The following LINGO1 variants were observed in gnomAD, a reference collection of about 807,000 sequenced individuals.
LINGO1 encodes leucine rich repeat and Ig domain containing 1, also known as leucine-rich repeat and immunoglobulin-like domain-containing nogo receptor-interacting protein 1.
A neutral mutation model predicts 37.3 loss-of-function variants in LINGO1; 11 were observed. The observed-to-expected ratio is 0.29, with a 90% CI of 0.19 to 0.49. The LOEUF is 0.49. Among genes scored for constraint, LINGO1 ranks in the 20% least tolerant of loss-of-function variants. The pLI, the probability that LINGO1 is intolerant of heterozygous loss-of-function variation, is 0.99. For synonymous variants in LINGO1, 387 were observed against 403.0 expected (o/e 0.96, Z 0.48); for missense variants, 585 against 878.2 (o/e 0.67, Z 4.22).
chr15:77,764,560 G>A (rs144109656), intron 1 of LINGO1, among the ~76,000 whole-genome samples: 15 of 152,286 alleles, frequency 9.8e-5, no homozygotes, highest in African/African-American at 3.4e-4. Context: ...GAAGAGGAGC[G>A]CTGAAGGGCC....
At chr15:77,630,838 GC>G (rs1304926420) in intron 1 of LINGO1, among the ~76,000 whole-genome samples, 2 of 152,170 alleles carry the variant, frequency 1.3e-5, no homozygotes, top group African/African-American at 4.8e-5. Context: ...GTGAGTCTGT[GC>G]CCTCTTTCAG....
chr15:77,643,369 G>C (rs2074552777), intron 3 of LINGO1, among the ~76,000 whole-genome samples: 4 of 152,180 alleles, frequency 2.6e-5, no homozygotes, highest in Admixed American at 2.6e-4. Context: ...AGGGTAGGGA[G>C]GTCCGCAGTG....
intron 2 of LINGO1, among the ~76,000 whole-genome samples, chr15:77,718,079 G>A (rs1261057358): frequency 2.0e-5 from 3 of 150,736 alleles, no homozygotes; most frequent in Admixed American, 2.0e-4. Flanking sequence ...CAGAGACAGC[G>A]CCATCCCCCA....
intron 1 of LINGO1, among the ~76,000 whole-genome samples, chr15:77,812,283 C>T (rs1204712382): frequency 3.3e-5 from 5 of 152,208 alleles, no homozygotes; most frequent in South Asian, 4.1e-4. Context: ...CATCCTCATG[C>T]GGCCACCATC....
At chr15:77,721,036 G>A (rs1245732216) in intron 2 of LINGO1, among the ~76,000 whole-genome samples, 4 of 151,986 alleles carry the variant, frequency 2.6e-5, no homozygotes, top group Non-Finnish European at 5.9e-5. Flanking sequence ...ACCATGGTCT[G>A]AGCCACCGCC....
intron 2 of LINGO1, among the ~76,000 whole-genome samples, chr15:77,730,217 G>A (rs901240751): frequency 6.6e-6 from 1 of 152,086 alleles, no homozygotes; most frequent in Admixed American, 6.5e-5. Flanking sequence ...ACTTTGACTA[G>A]AATTTACTGA....
chr15:77,817,500 T>C (rs2077058139), intron 1 of LINGO1, among the ~76,000 whole-genome samples: 1 of 152,120 alleles, frequency 6.6e-6, no homozygotes, highest in Non-Finnish European at 1.5e-5. Flanking sequence ...CCCAGAGCTG[T>C]GCAGAGGATG....
chr15:77,798,225 G>A (rs749017986), intron 1 of LINGO1, among the ~76,000 whole-genome samples: 2 of 152,190 alleles, frequency 1.3e-5, no homozygotes, highest in Admixed American at 6.5e-5. Flanking sequence ...CCTCAGGCCC[G>A]GGTACCCCAA....
At chr15:77,811,238 T>G (rs775808261) in intron 1 of LINGO1, among the ~76,000 whole-genome samples, 2 of 152,172 alleles carry the variant, frequency 1.3e-5, no homozygotes, top group African/African-American at 4.8e-5. Flanking sequence ...CCTGATAACA[T>G]TCTCCTAAAT....
intron 1 of LINGO1, among the ~76,000 whole-genome samples, chr15:77,694,549 T>A (rs2075657748): frequency 1.3e-5 from 2 of 151,996 alleles, no homozygotes; most frequent in Admixed American, 1.3e-4. Flanking sequence ...AAGACTCCCA[T>A]CCCTGGAGGT....
intron 1 of LINGO1, among the ~76,000 whole-genome samples, chr15:77,616,408 G>A (rs1160015351): frequency 6.6e-6 from 1 of 152,196 alleles, no homozygotes; most frequent in Non-Finnish European, 1.5e-5. Context: ...CACGGCCAGG[G>A]CTTCTGAGGC....
intron 1 of LINGO1, among the ~76,000 whole-genome samples, chr15:77,753,042 G>A (rs2076386776): frequency 6.6e-6 from 1 of 152,210 alleles, no homozygotes; most frequent in Non-Finnish European, 1.5e-5. Flanking sequence ...ACAAAATCAA[G>A]CACATACATA....
At chr15:77,646,166 G>C (rs950929810) in intron 3 of LINGO1, among the ~76,000 whole-genome samples, 2 of 152,236 alleles carry the variant, frequency 1.3e-5, no homozygotes, top group African/African-American at 4.8e-5. Context: ...CCACCTTCTA[G>C]GCCTAGTAAA....
chr15:77,633,550 C>T (rs375055603), upstream of LINGO1, among the ~76,000 whole-genome samples: 41 of 152,312 alleles, frequency 2.7e-4, no homozygotes, highest in South Asian at 3.3e-3. Flanking sequence ...GAGGAAGCCG[C>T]GCTGGCCCGG....
At chr15:77,665,929 C>A (rs573377903) in intron 3 of LINGO1, among the ~76,000 whole-genome samples, 1 of 152,238 alleles carries the variant, frequency 6.6e-6, no homozygotes, top group Non-Finnish European at 1.5e-5. Context: ...CACCCCCACA[C>A]GGTGCTCTGG....
intron 1 of LINGO1, among the ~76,000 whole-genome samples, chr15:77,772,050 G>A (rs2141404588): frequency 6.6e-6 from 1 of 152,300 alleles, no homozygotes; most frequent in African/African-American, 2.4e-5. Context: ...CCACCTCTAG[G>A]CCTGCAGCAA....
chr15:77,806,762 G>A (rs962659351), intron 1 of LINGO1, among the ~76,000 whole-genome samples: 2 of 152,074 alleles, frequency 1.3e-5, no homozygotes, highest in African/African-American at 4.8e-5. Context: ...GGCAGAGGAG[G>A]TGAGCGCCAG....
rs79145918 is a variant in LINGO1, at chr15:77,622,521, G to A, written c.7-6621C>T. Among the ~76,000 whole-genome samples the A allele has an allele frequency of 3.1e-3, 473 of 152,276 alleles. 1 individual carries two copies. The highest frequency in any genetic ancestry group is 0.01 in the African/African-American group (427 of 41,552). On this transcript the variant is annotated intron_variant, in intron 1 of 1. Transcript: ENST00000355300. ...TCAGAAAGGTGAGGGGACTCACGCCGGATCACCAAGGAAAAGAAGCAAGGC... is the reference window on the plus strand; with the variant it reads ...TCAGAAAGGTGAGGGGACTCACGCCAGATCACCAAGGAAAAGAAGCAAGGC...
chr15:77,627,974 T>C (rs373449818), intron 1 of LINGO1, among the ~76,000 whole-genome samples: 5 of 152,218 alleles, frequency 3.3e-5, no homozygotes, highest in African/African-American at 1.2e-4. Flanking sequence ...ACCAGAAACC[T>C]TGAATTCCAG....
Sources: gnomAD v4.1 joint callset for allele counts (sites outside exome capture counted in the v4.1 genomes callset) on GRCh38, gnomAD v4.1.1 for gene constraint, MANE v1.5 for transcripts, NCBI Gene and HGNC (gene_info 2026-07-23, HGNC 2026-07-21) for gene names.